The following LOXL2 variants were observed in gnomAD, a reference collection of about 807,000 sequenced individuals.
LOXL2 encodes lysyl oxidase like 2, also known as lysyl oxidase homolog 2.
LOXL2 carries 70 observed loss-of-function variants against 93.0 expected under a neutral mutation model. The ratio of observed to expected loss-of-function variants is 0.75; its 90% CI spans 0.62 to 0.92. The LOEUF (loss-of-function observed/expected upper bound fraction) is 0.92. Ranked by LOEUF, LOXL2 falls within the 40% of genes least tolerant of loss-of-function variation. The pLI is 0.00. For synonymous variants in LOXL2, 438 were observed against 413.2 expected (o/e 1.06, Z -0.73); for missense variants, 973 against 1,054.9 (o/e 0.92, Z 1.08).
At chr8:23,400,794 C>T (rs1800144186) in intron 1 of LOXL2, among the ~76,000 whole-genome samples, 1 of 152,086 alleles carries the variant, frequency 6.6e-6, no homozygotes, top group African/African-American at 2.4e-5. Context: ...ATTTTTACAC[C>T]TTGGAGTCAA....
At chr8:23,391,539 A>T (rs899917173) in intron 1 of LOXL2, among the ~76,000 whole-genome samples, 2 of 151,686 alleles carry the variant, frequency 1.3e-5, no homozygotes, top group South Asian at 4.2e-4. Flanking sequence ...CTACACACAC[A>T]CTCTCTCAGA....
At chr8:23,319,797 G>A in intron 8 of LOXL2, 88 bp downstream of exon 8, 1 of 1,401,446 alleles carries the variant, frequency 7.1e-7, no homozygotes, top group Non-Finnish European at 9.8e-7. Flanking sequence ...CGGCTAGGGA[G>A]GGTACGTGGG....
At chr8:23,308,988 ATATT>A (rs1563185662) in intron 10 of LOXL2, among the ~76,000 whole-genome samples, 4 of 139,150 alleles carry the variant, frequency 2.9e-5, no homozygotes, top group East Asian at 2.0e-4. Flanking sequence ...ATATATATAT[ATATT>A]TTTTTTTTTT....
intron 3 of LOXL2, among the ~76,000 whole-genome samples, chr8:23,356,283 T>G (rs1804197130): frequency 1.3e-5 from 2 of 152,208 alleles, no homozygotes; most frequent in African/African-American, 4.8e-5. Context: ...GTTCATGACT[T>G]CACCCAACTG....
Position 23,341,159 on chromosome 8 carries a change from G to T in LOXL2, c.576C>A (p.Leu192=). The stretch of plus-strand genomic sequence containing the variant: ...CTGGGGTGCGCTTGCGGTAGGTTGA[G>T]AGGATGGCTCGAATCCGAATGTCCT... ...QVEDIRIRAI[L]STYRKRTPVM... Residue 192 remains leucine (L), a synonymous_variant, in exon 4 of 14, where the codon CTC becomes CTA. Coordinates refer to ENST00000389131, the MANE Select transcript of LOXL2 (RefSeq NM_002318.3). The T allele has an allele frequency of 6.2e-7, 1 of 1,613,758 alleles. No homozygotes were observed. Among genetic ancestry groups the T allele is most frequent in the Non-Finnish European group, 8.5e-7 (1 of 1,180,036 alleles).
intron 3 of LOXL2, 86 bp from the exon 4 acceptor site, chr8:23,341,289 T>G (rs897284923): frequency 1.1e-5 from 13 of 1,131,558 alleles, no homozygotes; most frequent in Non-Finnish European, 1.6e-5. Flanking sequence ...CTTTAGCGAC[T>G]ATGGGCCAGG....
At chr8:23,312,510 A>G in intron 9 of LOXL2, among the ~76,000 whole-genome samples, 1 of 126,510 alleles carries the variant, frequency 7.9e-6, no homozygotes, top group Non-Finnish European at 1.6e-5. Flanking sequence ...CAAATCAATA[A>G]ACGTAATCCA....
chr8:23,298,091 C>T lies in LOXL2; in HGVS notation c.2277G>A (p.Lys759=). Residue 759 remains lysine (K), a synonymous_variant, in exon 14 of 14, where the codon AAG becomes AAA. Coordinates refer to ENST00000389131, the MANE Select transcript of LOXL2 (RefSeq NM_002318.3). ...GGSFSEETEK[K]FEHFSGLLNN... ...TTAAGAGCCCGCTGAAGTGCTCAAA[C>T]TTTTTTTCCGTCTCTTCGCTGAAGG... The T allele has an allele frequency of 1.9e-6, 3 of 1,613,828 alleles. No homozygotes were observed. Among genetic ancestry groups the T allele is most frequent in the Non-Finnish European group, 2.5e-6 (3 of 1,180,002 alleles).
chr8:23,396,461 C>G (rs933268519), intron 1 of LOXL2, among the ~76,000 whole-genome samples: 1 of 152,168 alleles, frequency 6.6e-6, no homozygotes, highest in Non-Finnish European at 1.5e-5. Context: ...CCAGCAGAAG[C>G]TGCCAGAAAG....
At chr8:23,354,334 C>T (rs1804147329) in intron 3 of LOXL2, among the ~76,000 whole-genome samples, 1 of 152,202 alleles carries the variant, frequency 6.6e-6, no homozygotes, top group African/African-American at 2.4e-5. Context: ...GCCCTCATCA[C>T]ATTCATTAGC....
intron 1 of LOXL2, among the ~76,000 whole-genome samples, chr8:23,373,740 AG>A (rs1804540457): frequency 6.6e-6 from 1 of 152,070 alleles, no homozygotes. Flanking sequence ...ACTTGCCTAA[AG>A]TTGCGCAGAC....
At position 23,318,433 on chromosome 8, in the gene LOXL2, A is replaced by G. The variant is rs900415047; in HGVS notation, c.1471-1319T>C. Among the ~76,000 whole-genome samples the G allele has an allele frequency of 6.7e-5, 9 of 135,026 alleles. No individual in the cohort carries two copies. The East Asian group carries it at 1.2e-3, about 18-fold the overall frequency. 88.6% of individuals were successfully genotyped at this position (135,026 alleles called of 152,430 possible). A position where few individuals can be genotyped will look rare whatever the true frequency, so the allele number is the denominator to read the frequency against. On this transcript the variant is annotated intron_variant, in intron 8 of 13. Transcript: ENST00000389131. Reference sequence around the variant, plus strand: ...CATCCTATTGGTTGATAGCACACACACACACACACACACACACACACACAC... The same window carrying G: ...CATCCTATTGGTTGATAGCACACACGCACACACACACACACACACACACAC...
At chr8:23,400,525 G>T (rs1800141711) in intron 1 of LOXL2, among the ~76,000 whole-genome samples, 1 of 152,200 alleles carries the variant, frequency 6.6e-6, no homozygotes, top group African/African-American at 2.4e-5. Context: ...TTTGGGTGGG[G>T]ACACAGCCAA....
chr8:23,356,353 T>G (rs1197405880), intron 3 of LOXL2, among the ~76,000 whole-genome samples: 1 of 152,218 alleles, frequency 6.6e-6, no homozygotes, highest in Non-Finnish European at 1.5e-5. Flanking sequence ...AGGCATTTCT[T>G]TAGCTGGGAG....
chr8:23,346,246 G>A (rs563942848), intron 3 of LOXL2, among the ~76,000 whole-genome samples: 15 of 151,244 alleles, frequency 9.9e-5, no homozygotes, highest in Admixed American at 2.0e-4. Flanking sequence ...CCAAATGCCA[G>A]AAGCTGGTCA....
intron 3 of LOXL2, among the ~76,000 whole-genome samples, chr8:23,345,883 A>T (rs1803963570): frequency 6.6e-6 from 1 of 151,898 alleles, no homozygotes; most frequent in Non-Finnish European, 1.5e-5. Flanking sequence ...CCTGGCTAAC[A>T]CGGTGAAACC....
chr8:23,347,228 A>G (rs780212750), intron 3 of LOXL2, among the ~76,000 whole-genome samples: 1 of 151,814 alleles, frequency 6.6e-6, no homozygotes, highest in Admixed American at 6.6e-5. Context: ...ATGGTGGTGC[A>G]TGCCTGTAAT....
At chr8:23,321,953 G>A (rs141922722) in intron 7 of LOXL2, 177 bp downstream of exon 7, 31 of 662,764 alleles carry the variant, frequency 4.7e-5, no homozygotes, top group African/African-American at 4.5e-4. Flanking sequence ...GCCTGCTGCC[G>A]GGCCAGGGCC....
intron 1 of LOXL2, among the ~76,000 whole-genome samples, chr8:23,393,957 T>C (rs1361526128): frequency 6.6e-6 from 1 of 152,176 alleles, no homozygotes; most frequent in Admixed American, 6.5e-5. Context: ...ATAAATGTGA[T>C]TTGAACTGGA....
Sources: gnomAD v4.1 joint callset for allele counts (sites outside exome capture counted in the v4.1 genomes callset) on GRCh38, gnomAD v4.1.1 for gene constraint, MANE v1.5 for transcripts, NCBI Gene and HGNC (gene_info 2026-07-23, HGNC 2026-07-21) for gene names.